The following CSMD2 variants were observed in gnomAD, a reference collection of about 807,000 sequenced individuals.
CSMD2 encodes CUB and Sushi multiple domains 2, also known as CUB and sushi domain-containing protein 2.
A neutral mutation model predicts 398.5 loss-of-function variants in CSMD2; 130 were observed. The observed-to-expected ratio is 0.33, with a 90% confidence interval of 0.28 to 0.38. CSMD2 has a LOEUF of 0.38. CSMD2 is among the 10% of genes least tolerant of loss of function. The pLI, the probability that CSMD2 is intolerant of heterozygous loss-of-function variation, is 1.00. For missense variants in CSMD2, 3,829 were observed against 4,764.9 expected (o/e 0.80, Z 5.78); for synonymous variants, 1,828 against 1,908.5 (o/e 0.96, Z 1.10).
intron 2 of CSMD2, among the ~76,000 whole-genome samples, chr1:34,074,473 T>C (rs1656092550): frequency 1.3e-5 from 2 of 152,012 alleles, no homozygotes; most frequent in African/African-American, 4.8e-5. Context: ...CACCTTTCTC[T>C]CACTTTTGCC....
intron 4 of CSMD2, among the ~76,000 whole-genome samples, chr1:33,926,523 G>A (rs1400055279): frequency 2.0e-5 from 3 of 152,136 alleles, no homozygotes; most frequent in African/African-American, 7.2e-5. Flanking sequence ...GGGCTCATCC[G>A]ACACCCTGGC....
intron 24 of CSMD2, among the ~76,000 whole-genome samples, 156 bp downstream of exon 24, chr1:33,698,597 G>A (rs1280581542): frequency 6.6e-6 from 1 of 152,232 alleles, no homozygotes; most frequent in Non-Finnish European, 1.5e-5. Context: ...TGGAGAAGGG[G>A]TGCAGGTGAA....
At chr1:33,985,589 G>A (rs934875669) in intron 3 of CSMD2, among the ~76,000 whole-genome samples, 2 of 152,200 alleles carry the variant, frequency 1.3e-5, no homozygotes, top group African/African-American at 2.4e-5. Flanking sequence ...GCTGCCACTT[G>A]CTCACTGTGT....
chr1:33,707,696 C>T (rs1280844506), intron 22 of CSMD2, among the ~76,000 whole-genome samples: 1 of 4,120 alleles, frequency 2.4e-4, no homozygotes, highest in Non-Finnish European at 5.0e-4. Flanking sequence ...CGCGCGCGCG[C>T]ACACACACAC....
intron 21 of CSMD2, chr1:33,709,520 C>T (rs1182704283): frequency 3.1e-5 from 15 of 489,048 alleles, no homozygotes; most frequent in East Asian, 6.2e-5. Flanking sequence ...CAGAAACAGA[C>T]GCTAACCCAC....
At chr1:33,977,891 A>G (rs1255116945) in intron 3 of CSMD2, among the ~76,000 whole-genome samples, 2 of 152,134 alleles carry the variant, frequency 1.3e-5, no homozygotes, top group East Asian at 3.9e-4. Flanking sequence ...CAGCTTCTAT[A>G]AACTACTGAA....
In CSMD2 at chr1:33,623,416, T is replaced by C. The variant is rs1641898408; in HGVS notation, c.5676A>G (p.Val1892=). The change falls in exon 36 of 71, where the codon GTA becomes GTG. Residue 1892 remains valine (V), a synonymous_variant. Transcript: ENST00000373381. ...VTEQNWDSLE[V]FDGADNTVTM... is the part of the protein sequence containing the mutation. ...TTACAGTGTTATCTGCACCATCAAA[T>C]ACTTCCAGCGAGTCCCAGTTCTGCT... 3 of 1,614,068 alleles carry C rather than the reference T, an allele frequency of 1.9e-6. No homozygotes were observed. The highest frequency in any genetic ancestry group is 2.5e-6 in the Non-Finnish European group (3 of 1,180,034).
chr1:33,875,883 T>G (rs1179261552), intron 5 of CSMD2, among the ~76,000 whole-genome samples: 1 of 152,188 alleles, frequency 6.6e-6, no homozygotes, highest in Non-Finnish European at 1.5e-5. Flanking sequence ...GATGTTGAAA[T>G]GGTCTTGTTT....
At position 34,050,179 on chromosome 1, in the gene CSMD2, G is replaced by A. The variant is rs181533026; in HGVS notation, c.405-17473C>T. On this transcript the variant is annotated intron_variant, in intron 2 of 70. Transcript: ENST00000373381. ...CAAAACAGATTTTGGTACCAGAAGT[G>A]GGGTTCCCAAAATGGTACCCTTCCC... Among the ~76,000 whole-genome samples the A allele has an allele frequency of 2.0e-5, 3 of 152,332 alleles. No individual in the cohort carries two copies. The East Asian group carries it at 5.8e-4, about 29-fold the overall frequency.
chr1:34,025,914 CAA>C, intron 3 of CSMD2, among the ~76,000 whole-genome samples: 1 of 152,290 alleles, frequency 6.6e-6, no homozygotes. Context: ...GGATTTTATG[CAA>C]ACTCTGGAGC....
At chr1:33,535,223 C>A (rs1655653327) in intron 62 of CSMD2, among the ~76,000 whole-genome samples, 1 of 152,152 alleles carries the variant, frequency 6.6e-6, no homozygotes, top group African/African-American at 2.4e-5. Context: ...ATCCACCATG[C>A]AACTTAAGAG....
intron 3 of CSMD2, among the ~76,000 whole-genome samples, chr1:33,987,572 A>G (rs1468714763): frequency 6.6e-6 from 1 of 152,210 alleles, no homozygotes; most frequent in East Asian, 1.9e-4. Flanking sequence ...GATACCTCCC[A>G]GGAGCATCTC....
rs145891185 is a variant in CSMD2 at position 33,851,762 on chromosome 1, C to T, written c.921-4766G>A. 3.0e-3 allele frequency among the ~76,000 whole-genome samples: 460 copies of T among 152,208 alleles called. 4 individuals are homozygous for T. The highest frequency in any genetic ancestry group is 0.011 in the African/African-American group (442 of 41,480). ...AATCAGTTTTCCTTTAGCTAAACTC[C>T]TAGGACTTGCTATGTCAAGATAAAT... On this transcript the variant is annotated intron_variant, in intron 5 of 70. Coordinates refer to ENST00000373381, the MANE Select transcript of CSMD2 (RefSeq NM_001281956.2).
chr1:33,750,782 A>C (rs1361120615), intron 13 of CSMD2, among the ~76,000 whole-genome samples: 1 of 152,206 alleles, frequency 6.6e-6, no homozygotes, highest in Non-Finnish European at 1.5e-5. Context: ...TAATGACAAA[A>C]TTAGGTCCAC....
intron 2 of CSMD2, among the ~76,000 whole-genome samples, chr1:34,076,202 G>A (rs1656306715): frequency 1.3e-5 from 2 of 152,202 alleles, no homozygotes; most frequent in South Asian, 4.1e-4. Flanking sequence ...ATGATGCCAG[G>A]TGAAGCTGCC....
chr1:33,850,993 C>A (rs1638668026), intron 5 of CSMD2, among the ~76,000 whole-genome samples: 2 of 152,240 alleles, frequency 1.3e-5, no homozygotes, highest in Middle Eastern at 3.4e-3. Context: ...TGTTGGGGAG[C>A]TGAGAGATAC....
intron 40 of CSMD2, among the ~76,000 whole-genome samples, chr1:33,612,449 T>C (rs1470413304): frequency 1.3e-5 from 2 of 152,214 alleles, no homozygotes; most frequent in African/African-American, 4.8e-5. Flanking sequence ...GATTCTTAAA[T>C]ATGTATCTGG....
rs1643811384 is a variant in CSMD2, at chr1:33,652,464, G to A, written c.4448-3C>T. On this transcript the variant is annotated splice_region_variant and splice_polypyrimidine_tract_variant and intron_variant, in intron 27 of 70. Transcript: ENST00000373381. ...TGTCAGGTCTCCCCCGCAGGGAGCT[G>A]AGGAGAGAAGAAGACGAGGGTGAGG... 2.5e-6 allele frequency: 4 copies of A among 1,613,594 alleles called. No individual in the cohort carries two copies. Among genetic ancestry groups the A allele is most frequent in the Middle Eastern group, 1.6e-4 (1 of 6,072 alleles).
At chr1:33,599,378 T>C (rs1640060794) in intron 44 of CSMD2, 1 of 152,246 alleles carries the variant, frequency 6.6e-6, no homozygotes, top group Non-Finnish European at 1.5e-5. Context: ...AAAATAATCA[T>C]GACAATGATG....
Sources: gnomAD v4.1 joint callset for allele counts (sites outside exome capture counted in the v4.1 genomes callset) on GRCh38, gnomAD v4.1.1 for gene constraint, MANE v1.5 for transcripts, NCBI Gene and HGNC (gene_info 2026-07-23, HGNC 2026-07-21) for gene names.